TMEM117: variants seen among roughly 807,000 people sequenced by gnomAD.
TMEM117 encodes the protein transmembrane protein 117.
A neutral mutation model predicts 52.4 loss-of-function variants in TMEM117; 27 were observed. That is an observed-to-expected ratio of 0.51 (90% CI 0.38 to 0.71). The LOEUF (loss-of-function observed/expected upper bound fraction) is 0.71, where lower values mean the gene tolerates loss of function less well. TMEM117 is among the 30% of genes least tolerant of loss of function. TMEM117 has a pLI of 0.00. For synonymous variants in TMEM117, 215 were observed against 206.3 expected (o/e 1.04, Z -0.36); for missense variants, 556 against 630.5 (o/e 0.88, Z 1.26).
At chr12:44,105,761 G>T (rs978585292) in intron 3 of TMEM117, among the ~76,000 whole-genome samples, 1 of 151,928 alleles carries the variant, frequency 6.6e-6, no homozygotes, top group Non-Finnish European at 1.5e-5. Context: ...GGTCAGATAG[G>T]CTCTGATCAA....
intron 2 of TMEM117, among the ~76,000 whole-genome samples, chr12:43,890,785 C>A (rs1944089640): frequency 6.6e-6 from 1 of 152,162 alleles, no homozygotes; most frequent in Non-Finnish European, 1.5e-5. Flanking sequence ...CAGCCTCAGC[C>A]TCCCAAAGTG....
chr12:43,862,771 G>A (rs910721041), intron 2 of TMEM117, among the ~76,000 whole-genome samples: 15 of 152,152 alleles, frequency 9.9e-5, no homozygotes, highest in Non-Finnish European at 1.5e-5. Context: ...CTAGCCAAGT[G>A]AAAATCTGGA....
chr12:44,360,716 G>A (rs1351972889), intron 6 of TMEM117, among the ~76,000 whole-genome samples: 4 of 152,020 alleles, frequency 2.6e-5, no homozygotes, highest in Non-Finnish European at 5.9e-5. Context: ...AAATGATGTC[G>A]AGAATATGAA....
intron 3 of TMEM117, among the ~76,000 whole-genome samples, chr12:43,961,812 G>C (rs1367526842): frequency 1.3e-5 from 2 of 152,112 alleles, no homozygotes; most frequent in Non-Finnish European, 2.9e-5. Context: ...CTTCCCAGTG[G>C]TGAGTATGTA....
At chr12:44,317,219 G>A (rs1289533752) in intron 6 of TMEM117, among the ~76,000 whole-genome samples, 1 of 148,534 alleles carries the variant, frequency 6.7e-6, no homozygotes, top group Non-Finnish European at 1.5e-5. Context: ...GGAGACACTG[G>A]CACTTCTAAT....
At chr12:44,180,227 A>ATCATCATCATCATCG (rs1197810019) in intron 4 of TMEM117, among the ~76,000 whole-genome samples, 1 of 151,980 alleles carries the variant, frequency 6.6e-6, no homozygotes, top group African/African-American at 2.4e-5. Context: ...CATCACCATC[A>ATCATCATCATCATCG]TCATCATCAT....
At chr12:44,156,223 T>C (rs964032626) in intron 4 of TMEM117, among the ~76,000 whole-genome samples, 1 of 152,164 alleles carries the variant, frequency 6.6e-6, no homozygotes, top group Non-Finnish European at 1.5e-5. Flanking sequence ...GCTGTATTTG[T>C]TGACTAACTT....
intron 4 of TMEM117, among the ~76,000 whole-genome samples, chr12:44,206,987 A>G (rs1224736237): frequency 6.6e-6 from 1 of 152,202 alleles, no homozygotes; most frequent in Non-Finnish European, 1.5e-5. Flanking sequence ...ATTTTTAAAA[A>G]GGTATGATGG....
chr12:44,322,744 A>T (rs1951148031), intron 6 of TMEM117, among the ~76,000 whole-genome samples: 1 of 152,172 alleles, frequency 6.6e-6, no homozygotes, highest in African/African-American at 2.4e-5. Flanking sequence ...AGGTTGTAAG[A>T]ATATACTGTA....
At chr12:43,991,618 A>G (rs1945942453) in intron 3 of TMEM117, among the ~76,000 whole-genome samples, 1 of 152,200 alleles carries the variant, frequency 6.6e-6, no homozygotes. Flanking sequence ...TTTGAGGATT[A>G]AAGGAATCAA....
chr12:44,304,197 G>T (rs1592679123), intron 6 of TMEM117, among the ~76,000 whole-genome samples: 1 of 152,308 alleles, frequency 6.6e-6, no homozygotes, highest in East Asian at 1.9e-4. Flanking sequence ...GGGGAGGGAG[G>T]AGAGCACAGT....
intron 3 of TMEM117, among the ~76,000 whole-genome samples, chr12:44,058,757 T>C (rs1275719750): frequency 6.6e-6 from 1 of 152,222 alleles, no homozygotes; most frequent in Non-Finnish European, 1.5e-5. Flanking sequence ...CTATTACGTT[T>C]TGTCTTCAGT....
chr12:44,236,281 TG>T (rs1251268562), intron 5 of TMEM117, among the ~76,000 whole-genome samples: 1 of 152,052 alleles, frequency 6.6e-6, no homozygotes, highest in African/African-American at 2.4e-5. Flanking sequence ...TCTTTGTGTA[TG>T]CCCTATTCTC....
At position 44,283,881 on chromosome 12, in the gene TMEM117, G is replaced by A. The variant is rs150847746; in HGVS notation, c.609-15699G>A. On this transcript the variant is annotated intron_variant, in intron 5 of 7. Coordinates refer to ENST00000266534, the MANE Select transcript of TMEM117 (RefSeq NM_032256.3). ...CCACGTGTTGCGGGAGAGACTCAGG[G>A]CTAGGTAATTGAATCATGGGGGCTG... Among the ~76,000 whole-genome samples, 900 of 152,230 alleles carry A rather than the reference G, an allele frequency of 5.9e-3. 11 individuals are homozygous for A. Among genetic ancestry groups the A allele is most frequent in the African/African-American group, 0.019 (798 of 41,520 alleles).
At chr12:43,801,444 TA>T in the TMEM117 span, among the ~76,000 whole-genome samples, 1 of 152,206 alleles carries the variant, frequency 6.6e-6, no homozygotes, top group Admixed American at 6.5e-5. Flanking sequence ...TAGATAACTT[TA>T]AAAATAATTA....
intron 4 of TMEM117, among the ~76,000 whole-genome samples, chr12:44,149,587 A>C (rs1192845254): frequency 6.6e-6 from 1 of 152,090 alleles, no homozygotes; most frequent in Non-Finnish European, 1.5e-5. Flanking sequence ...TGTTTGTGTT[A>C]TTTTCATTTT....
chr12:44,323,319 A>G (rs1472287883), intron 6 of TMEM117, among the ~76,000 whole-genome samples: 3 of 152,160 alleles, frequency 2.0e-5, no homozygotes, highest in African/African-American at 7.2e-5. Flanking sequence ...TAGGAAACTA[A>G]TACACTTGAT....
At chr12:43,958,603 G>T (rs1008807116) in intron 3 of TMEM117, among the ~76,000 whole-genome samples, 4 of 152,126 alleles carry the variant, frequency 2.6e-5, no homozygotes, top group Non-Finnish European at 5.9e-5. Context: ...AATGAGAATG[G>T]AATAGACTCT....
intron 1 of TMEM117, among the ~76,000 whole-genome samples, chr12:43,840,318 A>G (rs1007939164): frequency 6.6e-6 from 1 of 152,232 alleles, no homozygotes; most frequent in Non-Finnish European, 1.5e-5. Context: ...TTGGGTTGCT[A>G]TGAAATTTAA....
Sources: gnomAD v4.1 joint callset for allele counts (sites outside exome capture counted in the v4.1 genomes callset) on GRCh38, gnomAD v4.1.1 for gene constraint, MANE v1.5 for transcripts, NCBI Gene and HGNC (gene_info 2026-07-23, HGNC 2026-07-21) for gene names.